H3-3B: variants seen among roughly 807,000 people sequenced by gnomAD.
H3-3B encodes H3.3 histone B.
Under a neutral mutation model 13.1 loss-of-function variants are expected in H3-3B, and 2 were observed. The observed-to-expected ratio is 0.15, with a 90% CI of 0.06 to 0.48. H3-3B has a LOEUF of 0.48. Among genes scored for constraint, H3-3B ranks in the 20% least tolerant of loss-of-function variants. The pLI is 0.97. For synonymous variants in H3-3B, 133 were observed against 75.8 expected (o/e 1.76, Z -3.92); for missense variants, 39 against 186.0 (o/e 0.21, Z 4.60).
Position 75,779,032 on chromosome 17 carries a change from C to G in H3-3B, c.128+15G>C, listed in dbSNP as rs559347636. 14 of 1,610,188 alleles carry G rather than the reference C, an allele frequency of 8.7e-6. No individual in the cohort carries two copies. The South Asian group carries it at 1.3e-4, about 15-fold the overall frequency. The stretch of plus-strand genomic sequence containing the variant: ...GCCGGCCACCGCCGGGCCATTGTTC[C>G]CCCGCCCGACCTACCTGTAGCGATG... On this transcript the variant is annotated intron_variant, in intron 2 of 3. Transcript: ENST00000254810.
Position 75,778,506 on chromosome 17 carries a change from T to C in H3-3B, c.*89A>G, listed in dbSNP as rs1245670600. 57 of 1,515,620 alleles carry C rather than the reference T, an allele frequency of 3.8e-5. No homozygotes were observed. Among genetic ancestry groups the C allele is most frequent in the Middle Eastern group, 1.8e-4 (1 of 5,636 alleles). 93.9% of individuals were successfully genotyped at this position (1,515,620 alleles called of 1,614,324 possible). A position where few individuals can be genotyped will look rare whatever the true frequency, so the allele number is the denominator to read the frequency against. ...ATGACTTAAGTACAAATGCAACATA[T>C]TATAAACAATTTCTTACAAAAAAAG... On this transcript the variant is annotated 3_prime_UTR_variant, in exon 4 of 4. Transcript: ENST00000254810.
At position 75,778,007 on chromosome 17, in the gene H3-3B, G is replaced by A. The variant is rs1241054153; in HGVS notation, c.*588C>T. On this transcript the variant is annotated 3_prime_UTR_variant, in exon 4 of 4. Transcript: ENST00000254810. ...TAAATTACACACACCTTAATGACAA[G>A]ACTCCCCACCACTTGTGAATGTAAA... 6.6e-6 allele frequency: 1 copy of A among 152,566 alleles called. No homozygotes were observed. Among genetic ancestry groups the A allele is most frequent in the Non-Finnish European group, 1.5e-5 (1 of 68,074 alleles). The allele number at this position is 152,566 out of a possible 1,614,324, so 9.5% of individuals were successfully genotyped here. A position where few individuals can be genotyped will look rare whatever the true frequency, so the allele number is the denominator to read the frequency against.
chr17:75,777,610 T>A lies in H3-3B; in HGVS notation c.*985A>T, dbSNP rs560423997. 1.3e-5 allele frequency: 2 copies of A among 152,550 alleles called. No individual in the cohort carries two copies. Among genetic ancestry groups the A allele is most frequent in the Non-Finnish European group, 2.9e-5 (2 of 68,036 alleles). The allele number at this position is 152,550 out of a possible 1,614,324, so 9.4% of individuals were successfully genotyped here. ...GTAACCTAACCCAACACCATCTTAA[T>A]TGGCAGAGGTTCAGTGGGCTGGAGT... On this transcript the variant is annotated 3_prime_UTR_variant, in exon 4 of 4. Transcript: ENST00000254810.
At position 75,777,983 on chromosome 17, in the gene H3-3B, A is replaced by G. The variant is rs1324722276; in HGVS notation, c.*612T>C. 1.3e-5 allele frequency: 2 copies of G among 152,712 alleles called. No homozygotes were observed. Among genetic ancestry groups the G allele is most frequent in the Admixed American group, 6.5e-5 (1 of 15,292 alleles). The allele number at this position is 152,712 out of a possible 1,614,324, so 9.5% of individuals were successfully genotyped here. On this transcript the variant is annotated 3_prime_UTR_variant, in exon 4 of 4. Transcript: ENST00000254810. ...GTCAGAAGAAAACCAACTGGACTCT[A>G]AATTACACACACCTTAATGACAAGA...
In H3-3B at chr17:75,778,867, G is replaced by T. The variant is rs1326363794; in HGVS notation, c.225C>A (p.Ile75=). ...KLPFQRLVRE[I]AQDFKTDLRF... ...TCAGGTCGGTTTTGAAATCCTGCGCGATCTCCCTCACCAACCTCTGGAAGG... is the reference window on the plus strand; with the variant it reads ...TCAGGTCGGTTTTGAAATCCTGCGCTATCTCCCTCACCAACCTCTGGAAGG... Residue 75 remains isoleucine (I), a synonymous_variant, in exon 3 of 4, where the codon ATC becomes ATA. Transcript: ENST00000254810. The T allele has an allele frequency of 2.1e-5, 34 of 1,614,144 alleles. No homozygotes were observed. Among genetic ancestry groups the T allele is most frequent in the Non-Finnish European group, 2.7e-5 (32 of 1,180,036 alleles).
In H3-3B at chr17:75,778,388, A is replaced by C. The variant is rs546663912; in HGVS notation, c.*207T>G. On this transcript the variant is annotated 3_prime_UTR_variant, in exon 4 of 4. Transcript: ENST00000254810. ...AAGAAGTATCACCCATCCCTTCTGC[A>C]TATTAGCAACTTGTCACTCCTGAGC... is the stretch of plus-strand genomic sequence containing the variant. 1 of 628,210 alleles carries C rather than the reference A, an allele frequency of 1.6e-6. No homozygotes were observed. Among genetic ancestry groups the C allele is most frequent in the South Asian group, 2.1e-5 (1 of 48,522 alleles). 38.9% of individuals were successfully genotyped at this position (628,210 alleles called of 1,614,324 possible).
rs1206171924 is a variant in H3-3B at position 75,776,474 on chromosome 17, C to T, written c.*2121G>A. The T allele has an allele frequency of 6.6e-6, 1 of 152,206 alleles. No homozygotes were observed. Among genetic ancestry groups the T allele is most frequent in the Non-Finnish European group, 1.5e-5 (1 of 68,038 alleles). 9.4% of individuals were successfully genotyped at this position (152,206 alleles called of 1,614,324 possible). A position where few individuals can be genotyped will look rare whatever the true frequency, so the allele number is the denominator to read the frequency against. On this transcript the variant is annotated 3_prime_UTR_variant, in exon 4 of 4. Transcript: ENST00000254810. Reference sequence around the variant, plus strand: ...TTATTTTAGTCTCATCCATCAAGGGCATAGGATACCTGCATCAGCTGCAAC... The same window carrying T: ...TTATTTTAGTCTCATCCATCAAGGGTATAGGATACCTGCATCAGCTGCAAC...
At chr17:75,779,293 C>G in intron 1 of H3-3B, 109 bp from the exon 2 acceptor site, 1 of 1,200,006 alleles carries the variant, frequency 8.3e-7, no homozygotes, top group African/African-American at 1.6e-5. Context: ...CCCGCCTCCC[C>G]GCGCCCCACC....
chr17:75,777,027 G>A lies in H3-3B; in HGVS notation c.*1568C>T, dbSNP rs1268898693. 6 of 152,064 alleles carry A rather than the reference G, an allele frequency of 3.9e-5. No individual in the cohort carries two copies. Among genetic ancestry groups the A allele is most frequent in the South Asian group, 2.1e-4 (1 of 4,832 alleles). The allele number at this position is 152,064 out of a possible 1,614,324, so 9.4% of individuals were successfully genotyped here. ...ACTTTTGAGAAAGCAATTTTAATGG[G>A]GTATAACTTTAAGCAGTTGCTAACT... On this transcript the variant is annotated 3_prime_UTR_variant, in exon 4 of 4. Coordinates refer to ENST00000254810, the MANE Select transcript of H3-3B (RefSeq NM_005324.5).
In H3-3B at chr17:75,778,577, CA is replaced by C. The variant is rs1408187459; in HGVS notation, c.*17del. On this transcript the variant is annotated 3_prime_UTR_variant, in exon 4 of 4. Coordinates refer to ENST00000254810, the MANE Select transcript of H3-3B (RefSeq NM_005324.5). ...TTTTACAGAATTTACTACAAAACGC[CA>C]TAAAAACTGCCTTCACTTAAGCTCT... 1 of 1,602,074 alleles carries C rather than the reference CA, an allele frequency of 6.2e-7. No individual in the cohort carries two copies. The highest frequency in any genetic ancestry group is 1.3e-5 in the African/African-American group (1 of 74,458).
rs979587307 is a variant in H3-3B, at chr17:75,777,860, T to C, written c.*735A>G. ...CTTATAAATAAAATCCCCCAGTTAG[T>C]GTTTGCATTATCAGCTAGAGGGTTA... is the stretch of plus-strand genomic sequence containing the variant. On this transcript the variant is annotated 3_prime_UTR_variant, in exon 4 of 4. Coordinates refer to ENST00000254810, the MANE Select transcript of H3-3B (RefSeq NM_005324.5). 6.6e-6 allele frequency: 1 copy of C among 152,592 alleles called. No individual in the cohort carries two copies. 9.5% of individuals were successfully genotyped at this position (152,592 alleles called of 1,614,324 possible).
Position 75,778,510 on chromosome 17 carries a change from A to T in H3-3B, c.*85T>A. The T allele has an allele frequency of 2.0e-6, 3 of 1,525,430 alleles. No individual in the cohort carries two copies. Among genetic ancestry groups the T allele is most frequent in the Non-Finnish European group, 2.7e-6 (3 of 1,127,730 alleles). The allele number at this position is 1,525,430 out of a possible 1,614,324, so 94.5% of individuals were successfully genotyped here. A position where few individuals can be genotyped will look rare whatever the true frequency, so the allele number is the denominator to read the frequency against. ...CTTAAGTACAAATGCAACATATTAT[A>T]AACAATTTCTTACAAAAAAAGTCAC... On this transcript the variant is annotated 3_prime_UTR_variant, in exon 4 of 4. Transcript: ENST00000254810.
At position 75,779,199 on chromosome 17, in the gene H3-3B, C is replaced by A. The variant is rs761814713; in HGVS notation, c.-10-15G>T. ...TTTTCTTTCACCTAAGAAAGACGCC[C>A]CGAAGATAAGGCCGCCGCGCTCACC... On this transcript the variant is annotated splice_polypyrimidine_tract_variant and intron_variant, in intron 1 of 3. Coordinates refer to ENST00000254810, the MANE Select transcript of H3-3B (RefSeq NM_005324.5). 26 of 1,475,610 alleles carry A rather than the reference C, an allele frequency of 1.8e-5. No individual in the cohort carries two copies. The highest frequency in any genetic ancestry group is 2.2e-5 in the Non-Finnish European group (24 of 1,113,532). The allele number at this position is 1,475,610 out of a possible 1,614,324, so 91.4% of individuals were successfully genotyped here.
chr17:75,779,371 G>C (rs542128548), intron 1 of H3-3B, 187 bp from the exon 2 acceptor site: 1 of 510,388 alleles, frequency 2.0e-6, no homozygotes, highest in Non-Finnish European at 3.0e-6. Context: ...GCTGCGAGGA[G>C]CGGCAGCCTC....
rs2143628161 is a variant in H3-3B at position 75,777,985 on chromosome 17, ATT to A, written c.*608_*609del. The A allele has an allele frequency of 6.5e-6, 1 of 152,806 alleles. No homozygotes were observed. Among genetic ancestry groups the A allele is most frequent in the South Asian group, 2.1e-4 (1 of 4,858 alleles). 9.5% of individuals were successfully genotyped at this position (152,806 alleles called of 1,614,324 possible). On this transcript the variant is annotated 3_prime_UTR_variant, in exon 4 of 4. Transcript: ENST00000254810. Reference sequence around the variant, plus strand: ...CAGAAGAAAACCAACTGGACTCTAAATTACACACACCTTAATGACAAGACTCC... The same window carrying A: ...CAGAAGAAAACCAACTGGACTCTAAAACACACACCTTAATGACAAGACTCC...
At chr17:75,779,464 C>T (rs1198310459) in intron 1 of H3-3B, 193 bp downstream of exon 1, 1 of 272,546 alleles carries the variant, frequency 3.7e-6, no homozygotes. Flanking sequence ...GGCGTCGGGA[C>T]CTCTGAATCA....
At position 75,779,187 on chromosome 17, in the gene H3-3B, A is replaced by T. The variant is rs1330344501; in HGVS notation, c.-10-3T>A. 3 of 1,494,220 alleles carry T rather than the reference A, an allele frequency of 2.0e-6. No individual in the cohort carries two copies. The African/African-American group carries it at 4.3e-5, about 21-fold the overall frequency. 92.6% of individuals were successfully genotyped at this position (1,494,220 alleles called of 1,614,324 possible). A position where few individuals can be genotyped will look rare whatever the true frequency, so the allele number is the denominator to read the frequency against. The stretch of plus-strand genomic sequence containing the variant: ...TGGTTCGGGCCATTTTCTTTCACCT[A>T]AGAAAGACGCCCCGAAGATAAGGCC... On this transcript the variant is annotated splice_region_variant and splice_polypyrimidine_tract_variant and intron_variant, in intron 1 of 3. Transcript: ENST00000254810.
rs1029161909 is a variant in H3-3B, at chr17:75,778,085, T to C, written c.*510A>G. The C allele has an allele frequency of 6.5e-6, 1 of 152,804 alleles. No individual in the cohort carries two copies. Among genetic ancestry groups the C allele is most frequent in the African/African-American group, 2.4e-5 (1 of 41,374 alleles). The allele number at this position is 152,804 out of a possible 1,614,324, so 9.5% of individuals were successfully genotyped here. A position where few individuals can be genotyped will look rare whatever the true frequency, so the allele number is the denominator to read the frequency against. ...CAATATATAAAATAGCTATTATAAA[T>C]GCACATAGTGTATTCTATAGCTGCC... is the stretch of plus-strand genomic sequence containing the variant. On this transcript the variant is annotated 3_prime_UTR_variant, in exon 4 of 4. Transcript: ENST00000254810.
chr17:75,779,247 G>C (rs1238765061), intron 1 of H3-3B, 63 bp from the exon 2 acceptor site: 3 of 1,403,686 alleles, frequency 2.1e-6, no homozygotes, highest in Non-Finnish European at 2.8e-6. Context: ...CAGGGCTGCG[G>C]GGGGAGGAAC....
Sources: gnomAD v4.1 joint callset for allele counts on GRCh38, gnomAD v4.1.1 for gene constraint, MANE v1.5 for transcripts, NCBI Gene and HGNC (gene_info 2026-07-23, HGNC 2026-07-21) for gene names.